The following SDR9C7 variants were observed in gnomAD, a reference collection of about 807,000 sequenced individuals.
SDR9C7 encodes the protein short chain dehydrogenase/reductase family 9C member 7, also known as short-chain dehydrogenase/reductase family 9C member 7.
Under a neutral mutation model 23.6 loss-of-function variants are expected in SDR9C7, and 11 were observed. The ratio of observed to expected loss-of-function variants is 0.47; its 90% CI spans 0.29 to 0.77. The LOEUF is 0.77. Among genes scored for constraint, SDR9C7 ranks in the 30% least tolerant of loss-of-function variants. The pLI, the probability that SDR9C7 is intolerant of heterozygous loss-of-function variation, is 0.09. For missense variants in SDR9C7, 387 were observed against 407.1 expected, an observed-to-expected ratio of 0.95 and a Z score of 0.42; for synonymous variants, 167 against 157.3, an observed-to-expected ratio of 1.06 and a Z score of -0.46.
intron 1 of SDR9C7, 46 bp downstream of exon 1, chr12:56,933,915 G>A (rs546105106): frequency 6.4e-7 from 1 of 1,562,156 alleles, no homozygotes; most frequent in South Asian, 1.2e-5. Flanking sequence ...GAGAGGAAGA[G>A]GAAGAAGGAG....
In SDR9C7 at chr12:56,930,221, G is replaced by A; in HGVS notation, c.560+5C>T. The A allele has an allele frequency of 6.2e-7, 1 of 1,613,942 alleles. No homozygotes were observed. The highest frequency in any genetic ancestry group is 8.5e-7 in the Non-Finnish European group (1 of 1,179,900). ...CAGAATTGTTCAGTACCAGGGCCCA[G>A]TTACCTTATGCTGTCAGAGAAGGCC... On this transcript the variant is annotated splice_donor_5th_base_variant and intron_variant, in intron 2 of 3. Transcript: ENST00000293502.
rs774098014 is a variant in SDR9C7, at chr12:56,923,807, C to T, written c.*26G>A. 18 of 1,533,516 alleles carry T rather than the reference C, an allele frequency of 1.2e-5. No individual in the cohort carries two copies. The East Asian group carries it at 4.1e-4, about 35-fold the overall frequency. The allele number at this position is 1,533,516 out of a possible 1,614,324, so 95.0% of individuals were successfully genotyped here. ...TTCCTTCCTCCCCCACTTCTAGGCT[C>T]CACTGACCCATTGATCCTCCCCAGT... On this transcript the variant is annotated 3_prime_UTR_variant, in exon 4 of 4. Transcript: ENST00000293502.
chr12:56,929,265 C>T (rs1295751955), intron 3 of SDR9C7, 125 bp downstream of exon 3: 3 of 910,236 alleles, frequency 3.3e-6, no homozygotes, highest in Non-Finnish European at 3.4e-6. Context: ...AGCTGTGCCA[C>T]TATGTGACCT....
At chr12:56,924,429 A>AAAATAAATAAAT (rs111368194) in intron 3 of SDR9C7, among the ~76,000 whole-genome samples, 2,671 of 151,002 alleles carry the variant, frequency 0.018, 83 homozygotes, top group African/African-American at 0.058. Flanking sequence ...ACGCTGTCTC[A>AAAATAAATAAAT]AAATAAATAA....
At chr12:56,928,204 C>A (rs1355125030) in intron 3 of SDR9C7, among the ~76,000 whole-genome samples, 1 of 152,168 alleles carries the variant, frequency 6.6e-6, no homozygotes, top group Non-Finnish European at 1.5e-5. Context: ...TCCGTATACC[C>A]CAGCTACCTC....
In SDR9C7 at chr12:56,934,352, AG is replaced by A; in HGVS notation, c.-92del. 8.9e-7 allele frequency: 1 copy of A among 1,119,258 alleles called. No homozygotes were observed. Among genetic ancestry groups the A allele is most frequent in the Non-Finnish European group, 1.3e-6 (1 of 780,124 alleles). The allele number at this position is 1,119,258 out of a possible 1,614,324, so 69.3% of individuals were successfully genotyped here. A position where few individuals can be genotyped will look rare whatever the true frequency, so the allele number is the denominator to read the frequency against. ...CTCTGAGCCCTAGCAGGCAGTCTGC[AG>A]GAAACCACCTGGAAGAAGAACTCTC... On this transcript the variant is annotated 5_prime_UTR_variant, in exon 1 of 4. Coordinates refer to ENST00000293502, the MANE Select transcript of SDR9C7 (RefSeq NM_148897.3).
chr12:56,924,186 G>A (rs74240693), intron 3 of SDR9C7, 136 bp from the exon 4 acceptor site: 4 of 612,730 alleles, frequency 6.5e-6, no homozygotes, highest in East Asian at 5.5e-5. Flanking sequence ...CCCTCCAGGT[G>A]GTCCCTTATA....
intron 2 of SDR9C7, 138 bp downstream of exon 2, chr12:56,930,088 C>T (rs1592423513): frequency 9.4e-7 from 1 of 1,059,022 alleles, no homozygotes; most frequent in African/African-American, 1.6e-5. Context: ...GGAGAAAGCA[C>T]CTTGAGGTCT....
chr12:56,928,297 C>T (rs2136367970), intron 3 of SDR9C7, among the ~76,000 whole-genome samples: 1 of 152,178 alleles, frequency 6.6e-6, no homozygotes, highest in South Asian at 2.1e-4. Flanking sequence ...AAAAAAAGTC[C>T]CTACGCATCC....
intron 3 of SDR9C7, among the ~76,000 whole-genome samples, chr12:56,925,344 T>G (rs756681872): frequency 1.3e-5 from 2 of 152,212 alleles, no homozygotes; most frequent in Non-Finnish European, 2.9e-5. Flanking sequence ...GGGGGATTCA[T>G]GCTTCATTGA....
Position 56,923,977 on chromosome 12 carries a change from A to G in SDR9C7, c.798T>C (p.His266=), listed in dbSNP as rs1955715799. The G allele has an allele frequency of 6.2e-7, 1 of 1,614,090 alleles. No homozygotes were observed. Among genetic ancestry groups the G allele is most frequent in the South Asian group, 1.1e-5 (1 of 91,074 alleles). The change falls in exon 4 of 4, where the codon CAT becomes CAC. Residue 266 remains histidine, a synonymous_variant. Coordinates refer to ENST00000293502, the MANE Select transcript of SDR9C7 (RefSeq NM_148897.3). The part of the protein sequence containing the change: ...RVRDVINSME[H]AIVSRSPRIR... ...TGCGAGGGCTCCGGGAAACAATAGC[A>G]TGCTCCATGCTGTTGATGACATCTC...
In SDR9C7 at chr12:56,923,487, T is replaced by G. The variant is rs1165348324; in HGVS notation, c.*346A>C. The stretch of plus-strand genomic sequence containing the variant: ...AGTATTTCTCAGTGGCAGTGATAAC[T>G]GAAAGGGGCTCATGATTCCACAGGA... On this transcript the variant is annotated 3_prime_UTR_variant, in exon 4 of 4. Transcript: ENST00000293502. 2 of 189,672 alleles carry G rather than the reference T, an allele frequency of 1.1e-5. No homozygotes were observed. Among genetic ancestry groups the G allele is most frequent in the African/African-American group, 4.7e-5 (2 of 42,904 alleles). The allele number at this position is 189,672 out of a possible 1,614,324, so 11.7% of individuals were successfully genotyped here.
chr12:56,927,752 C>T (rs1410485247), intron 3 of SDR9C7, among the ~76,000 whole-genome samples: 1 of 152,210 alleles, frequency 6.6e-6, no homozygotes, highest in Non-Finnish European at 1.5e-5. Flanking sequence ...AATGTGGCTC[C>T]CACAGGGGAG....
chr12:56,924,022 C>T lies in SDR9C7; in HGVS notation c.753G>A (p.Gln251=), dbSNP rs776655482. 49 of 1,613,610 alleles carry T rather than the reference C, an allele frequency of 3.0e-5. 2 individuals carry two copies. In the South Asian group the frequency reaches 5.4e-4, roughly 18 times the overall value. The change falls in exon 4 of 4, where the codon CAG becomes CAA. Residue 251 remains glutamine, a synonymous_variant. Coordinates refer to ENST00000293502, the MANE Select transcript of SDR9C7 (RefSeq NM_148897.3). The part of the protein sequence containing the change: ...IYTDKLKNIM[Q]VAEPRVRDVI... The stretch of plus-strand genomic sequence containing the variant: ...CATCTCTGACTCTGGGCTCTGCCAC[C>T]TGCATTATGTTTTTTAACTTGTCAG...
In SDR9C7 at chr12:56,934,316, A is replaced by AG; in HGVS notation, c.-56dup. The AG allele has an allele frequency of 1.3e-6, 2 of 1,499,944 alleles. No individual in the cohort carries two copies. The highest frequency in any genetic ancestry group is 1.8e-6 in the Non-Finnish European group (2 of 1,097,756). 92.9% of individuals were successfully genotyped at this position (1,499,944 alleles called of 1,614,324 possible). ...GACTGGGCTCAGGAGACAGCAGGGA[A>AG]GAAGCTGGTCCTCTGAGCCCTAGCA... On this transcript the variant is annotated 5_prime_UTR_variant, in exon 1 of 4. Transcript: ENST00000293502.
intron 3 of SDR9C7, among the ~76,000 whole-genome samples, chr12:56,925,599 C>T (rs1388229190): frequency 6.6e-6 from 1 of 152,120 alleles, no homozygotes; most frequent in African/African-American, 2.4e-5. Flanking sequence ...GGAAAGAAAA[C>T]TGATGCAGGG....
At chr12:56,931,545 G>A (rs941299907) in intron 1 of SDR9C7, among the ~76,000 whole-genome samples, 1 of 152,102 alleles carries the variant, frequency 6.6e-6, no homozygotes, top group African/African-American at 2.4e-5. Context: ...TCCAGTCCTG[G>A]TTTTACCTCC....
chr12:56,926,375 A>G (rs1368465933), intron 3 of SDR9C7, among the ~76,000 whole-genome samples: 1 of 152,136 alleles, frequency 6.6e-6, no homozygotes, highest in Non-Finnish European at 1.5e-5. Context: ...TGGACTTTTT[A>G]TCCTTCCCAC....
At chr12:56,926,445 G>A (rs1955734036) in intron 3 of SDR9C7, among the ~76,000 whole-genome samples, 1 of 152,106 alleles carries the variant, frequency 6.6e-6, no homozygotes, top group Non-Finnish European at 1.5e-5. Context: ...AATGCCTTTA[G>A]GATAAGAGCC....
Sources: gnomAD v4.1 joint callset for allele counts (sites outside exome capture counted in the v4.1 genomes callset) on GRCh38, gnomAD v4.1.1 for gene constraint, MANE v1.5 for transcripts, NCBI Gene and HGNC (gene_info 2026-07-23, HGNC 2026-07-21) for gene names.